Variants in BRMS1L observed in about 807,000 individuals in gnomAD.
BRMS1L encodes BRMS1 like transcriptional repressor.
In BRMS1L, 23 loss-of-function variants were observed where a neutral mutation model predicts 50.3. The ratio of observed to expected loss-of-function variants is 0.46; its 90% confidence interval spans 0.33 to 0.65. The LOEUF (loss-of-function observed/expected upper bound fraction) is 0.65, where lower values mean the gene tolerates loss of function less well. Ranked by LOEUF, BRMS1L falls within the 30% of genes least tolerant of loss-of-function variation. BRMS1L has a pLI of 0.02. For synonymous variants in BRMS1L, 114 were observed against 126.9 expected (o/e 0.90, Z 0.69); for missense variants, 286 against 386.1 (o/e 0.74, Z 2.17).
chr14:35,863,750 C>T, intron 5 of BRMS1L, 120 bp from the exon 6 acceptor site: 1 of 777,894 alleles, frequency 1.3e-6, no homozygotes, highest in Non-Finnish European at 2.1e-6. Flanking sequence ...ATATACCCAG[C>T]TGCCAATGAA....
chr14:35,852,358 G>T (rs540823574), intron 4 of BRMS1L, among the ~76,000 whole-genome samples: 2 of 152,292 alleles, frequency 1.3e-5, no homozygotes, highest in South Asian at 4.1e-4. Flanking sequence ...TTACAGGCAT[G>T]TGCCACCCTG....
At chr14:35,844,370 C>T (rs538212397) in intron 4 of BRMS1L, among the ~76,000 whole-genome samples, 18 of 152,234 alleles carry the variant, frequency 1.2e-4, no homozygotes, top group African/African-American at 4.3e-4. Flanking sequence ...ATGGGGAAAG[C>T]GTAGTATCAG....
At chr14:35,841,930 T>C (rs1186378577) in intron 4 of BRMS1L, among the ~76,000 whole-genome samples, 1 of 152,152 alleles carries the variant, frequency 6.6e-6, no homozygotes, top group Non-Finnish European at 1.5e-5. Context: ...TGTAATGCCC[T>C]TCTTTGTCTT....
chr14:35,855,608 C>T (rs766478847), intron 4 of BRMS1L, among the ~76,000 whole-genome samples: 3 of 152,078 alleles, frequency 2.0e-5, no homozygotes, highest in Non-Finnish European at 2.9e-5. Context: ...ACCGAAATTT[C>T]TTCTATTAAT....
intron 4 of BRMS1L, among the ~76,000 whole-genome samples, chr14:35,847,385 AC>A (rs1566420889): frequency 6.6e-6 from 1 of 152,144 alleles, no homozygotes; most frequent in African/African-American, 2.4e-5. Context: ...CACTGAAGCC[AC>A]AAACTCGAGC....
intron 8 of BRMS1L, among the ~76,000 whole-genome samples, chr14:35,866,602 G>T (rs2078424860): frequency 6.6e-6 from 1 of 152,142 alleles, no homozygotes; most frequent in Admixed American, 6.5e-5. Context: ...CCTCTTGGGA[G>T]GCTGAGGTGG....
At chr14:35,840,653 G>A (rs540378158) in intron 4 of BRMS1L, among the ~76,000 whole-genome samples, 2 of 152,268 alleles carry the variant, frequency 1.3e-5, no homozygotes, top group East Asian at 3.9e-4. Flanking sequence ...TAGTTTATTT[G>A]CATAGAGATG....
chr14:35,858,283 C>T (rs999222267), intron 4 of BRMS1L, among the ~76,000 whole-genome samples: 3 of 152,132 alleles, frequency 2.0e-5, no homozygotes, highest in Non-Finnish European at 2.9e-5. Context: ...GAAGCAACCC[C>T]TCTATCCCTC....
chr14:35,868,144 ATCCT>A, intron 9 of BRMS1L, 112 bp downstream of exon 9: 1 of 1,103,798 alleles, frequency 9.1e-7, no homozygotes, highest in Non-Finnish European at 1.3e-6. Flanking sequence ...TTGCTTGTGG[ATCCT>A]TTTTTCACTT....
At chr14:35,852,579 C>T (rs1479390080) in intron 4 of BRMS1L, among the ~76,000 whole-genome samples, 5 of 152,038 alleles carry the variant, frequency 3.3e-5, no homozygotes, top group African/African-American at 4.8e-5. Context: ...TGTTTTATTC[C>T]TAATTGTTTA....
intron 3 of BRMS1L, among the ~76,000 whole-genome samples, chr14:35,833,705 A>C (rs1477862606): frequency 6.6e-6 from 1 of 152,162 alleles, no homozygotes; most frequent in Non-Finnish European, 1.5e-5. Context: ...CCTGGCACTC[A>C]TAATCAAGGG....
intron 7 of BRMS1L, 58 bp downstream of exon 7, chr14:35,865,057 CTA>C (rs1212939567): frequency 2.3e-6 from 3 of 1,288,028 alleles, no homozygotes; most frequent in African/African-American, 1.5e-5. Flanking sequence ...TTTTAAGATT[CTA>C]TGTTTTTTTT....
intron 1 of BRMS1L, among the ~76,000 whole-genome samples, chr14:35,828,424 A>C (rs1317809108): frequency 6.7e-6 from 1 of 148,770 alleles, no homozygotes; most frequent in Non-Finnish European, 1.5e-5. Flanking sequence ...CACCCACTTC[A>C]ACCTCCCAAT....
intron 1 of BRMS1L, among the ~76,000 whole-genome samples, chr14:35,828,935 A>G (rs1459027711): frequency 6.6e-6 from 1 of 151,584 alleles, no homozygotes; most frequent in African/African-American, 2.4e-5. Context: ...ACTGTATGGG[A>G]ATATATTTCT....
At chr14:35,849,651 CATT>C (rs1379002318) in intron 4 of BRMS1L, among the ~76,000 whole-genome samples, 3 of 152,132 alleles carry the variant, frequency 2.0e-5, no homozygotes, top group Middle Eastern at 3.4e-3. Context: ...GATGATAAAT[CATT>C]GTTGTTTTGA....
chr14:35,834,966 C>A, intron 4 of BRMS1L, 43 bp downstream of exon 4: 1 of 1,479,184 alleles, frequency 6.8e-7, no homozygotes, highest in Non-Finnish European at 9.2e-7. Flanking sequence ...TTCATCTCTT[C>A]AAGCCTTTTC....
At chr14:35,831,350 A>T in intron 1 of BRMS1L, 60 bp from the exon 2 acceptor site, 2 of 1,156,054 alleles carry the variant, frequency 1.7e-6, no homozygotes, top group Non-Finnish European at 2.6e-6. Context: ...GATATATTTG[A>T]GATGTTCAGA....
chr14:35,862,876 A>G (rs1406386119), intron 5 of BRMS1L, among the ~76,000 whole-genome samples, 190 bp downstream of exon 5: 1 of 152,208 alleles, frequency 6.6e-6, no homozygotes, highest in Non-Finnish European at 1.5e-5. Context: ...ACACTTTAGA[A>G]AGATGTAAAA....
intron 9 of BRMS1L, among the ~76,000 whole-genome samples, chr14:35,869,346 G>A (rs1420822537): frequency 6.6e-6 from 1 of 151,964 alleles, no homozygotes; most frequent in African/African-American, 2.4e-5. Context: ...TTGAGCCAAG[G>A]AGTTTGAGAC....
Sources: gnomAD v4.1 joint callset for allele counts (sites outside exome capture counted in the v4.1 genomes callset) on GRCh38, gnomAD v4.1.1 for gene constraint, MANE v1.5 for transcripts, NCBI Gene and HGNC (gene_info 2026-07-23, HGNC 2026-07-21) for gene names.